PARP14: variants seen among roughly 807,000 people sequenced by gnomAD.
The protein encoded by PARP14 is protein mono-ADP-ribosyltransferase PARP14.
In PARP14, 59 loss-of-function variants were observed where a neutral mutation model predicts 154.2. The ratio of observed to expected loss-of-function variants is 0.38; its 90% confidence interval spans 0.31 to 0.48. The LOEUF (loss-of-function observed/expected upper bound fraction) is 0.48. PARP14 is among the 20% of genes least tolerant of loss of function. The pLI is 0.98. For missense variants in PARP14, 1,734 were observed against 2,131.6 expected, an observed-to-expected ratio of 0.81 and a Z score of 3.67; for synonymous variants, 720 against 780.5, an observed-to-expected ratio of 0.92 and a Z score of 1.29.
chr3:122,701,232 G>A lies in PARP14; in HGVS notation c.2678G>A (p.Cys893Tyr). The part of the protein sequence containing the change: ...PRWSGYEAPR[C>Y]VYLLRRAVQL... ...TGGAGCGGATATGAGGCCCCGAGGT[G>A]TGTGTACCTATTAAGGAGAGCTGTG... Residue 893 changes from cysteine to tyrosine, a missense_variant, in exon 6 of 17, where the codon TGT becomes TAT. Physicochemically the swap from Cys to Tyr is radical, Grantham distance 194. Coordinates refer to ENST00000474629, the MANE Select transcript of PARP14 (RefSeq NM_017554.3). The surrounding 1 kb of genome is among the most constrained non-coding windows in gnomAD (Gnocchi z 4.0). 1 of 1,613,672 alleles carries A rather than the reference G, an allele frequency of 6.2e-7. No homozygotes were observed. The highest frequency in any genetic ancestry group is 8.5e-7 in the Non-Finnish European group (1 of 1,179,730).
chr3:122,702,898 G>C (rs1939020637), intron 6 of PARP14, among the ~76,000 whole-genome samples: 1 of 151,058 alleles, frequency 6.6e-6, no homozygotes, highest in Non-Finnish European at 1.5e-5. Context: ...GCTGAGGTGG[G>C]AGGATCACTT....
Position 122,700,475 on chromosome 3 carries a change from A to G in PARP14, c.1921A>G (p.Thr641Ala). The change falls in exon 6 of 17, where the codon ACC becomes GCC. Residue 641 changes from threonine to alanine, a missense_variant. Around this residue, in one of 2 missense-constraint regions of PARP14, gnomAD observed 1,646 missense variants for 1,976.0 expected, o/e 0.83. Coordinates refer to ENST00000474629, the MANE Select transcript of PARP14 (RefSeq NM_017554.3). ...TVIINELTSETTAEVIITGCV... is the reference protein window; with the variant it reads ...TVIINELTSEATAEVIITGCV... ...AATCATCAATGAGTTAACTTCAGAA[A>G]CCACAGCTGAAGTCATCATTACAGG... 1 of 1,612,602 alleles carries G rather than the reference A, an allele frequency of 6.2e-7. No homozygotes were observed. The highest frequency in any genetic ancestry group is 8.5e-7 in the Non-Finnish European group (1 of 1,179,160).
chr3:122,692,738 A>G (rs371299974), intron 4 of PARP14, among the ~76,000 whole-genome samples, 195 bp downstream of exon 4: 8 of 152,280 alleles, frequency 5.3e-5, no homozygotes, highest in East Asian at 1.9e-4. Context: ...TATTTTTAGT[A>G]GAATTAACTT....
chr3:122,720,918 G>T (rs1179717141), intron 15 of PARP14: 1 of 445,224 alleles, frequency 2.2e-6, no homozygotes, highest in African/African-American at 2.0e-5. Flanking sequence ...GCCAGTCTGG[G>T]TAACATAGTG....
intron 10 of PARP14, 28 bp downstream of exon 10, chr3:122,713,601 T>C (rs1939391465): frequency 1.3e-6 from 2 of 1,593,216 alleles, no homozygotes; most frequent in South Asian, 1.1e-5. Flanking sequence ...ATGAGTGCAA[T>C]AGTTAATGGT....
Position 122,714,395 on chromosome 3 carries a change from T to C in PARP14, c.3966T>C (p.Asn1322=). The part of the protein sequence containing the change: ...SSVLQECEKK[N]YSSICLPAIG... ...TTTTGCAGGAGTGTGAAAAAAAAAA[T>C]TACTCATCCATTTGCCTCCCAGCCA... Residue 1322 remains asparagine (N), a synonymous_variant, in exon 12 of 17, where the codon AAT becomes AAC. Coordinates refer to ENST00000474629, the MANE Select transcript of PARP14 (RefSeq NM_017554.3). 6.3e-7 allele frequency: 1 copy of C among 1,580,418 alleles called. No individual in the cohort carries two copies. The highest frequency in any genetic ancestry group is 8.6e-7 in the Non-Finnish European group (1 of 1,169,000).
chr3:122,714,282 T>C lies in PARP14; in HGVS notation c.3853T>C (p.Tyr1285His), dbSNP rs1932929458. The C allele has an allele frequency of 3.1e-6, 5 of 1,598,514 alleles. No homozygotes were observed. The highest frequency in any genetic ancestry group is 8.5e-7 in the Non-Finnish European group (1 of 1,175,834). The part of the protein sequence containing the change: ...SQQAQQRKND[Y>H]IITGGGFLRC... ...CCCAGCTCAGCAGCGCAAAAATGAT[T>C]ATATAATCACCGGAGGTGGATTTTT... is the stretch of plus-strand genomic sequence containing the variant. Residue 1285 changes from tyrosine (Y) to histidine (H), a missense_variant, in exon 12 of 17, where the codon TAT becomes CAT. Coordinates refer to ENST00000474629, the MANE Select transcript of PARP14 (RefSeq NM_017554.3).
At chr3:122,704,399 A>T in intron 7 of PARP14, 128 bp from the exon 8 acceptor site, 1 of 610,412 alleles carries the variant, frequency 1.6e-6, no homozygotes, top group Non-Finnish European at 2.9e-6. Context: ...TCCTCTTCTG[A>T]TTGCCCTTAA....
chr3:122,718,996 C>T, intron 14 of PARP14, 38 bp downstream of exon 14: 1 of 1,491,854 alleles, frequency 6.7e-7, no homozygotes, highest in South Asian at 1.4e-5. Flanking sequence ...CACTATTTCA[C>T]ATCTACTTTG....
At position 122,717,683 on chromosome 3, in the gene PARP14, A is replaced by G. The variant is rs186501721; in HGVS notation, c.4001-388A>G. Among the ~76,000 whole-genome samples the G allele has an allele frequency of 4.1e-3, 624 of 152,332 alleles. 10 individuals carry two copies. The highest frequency in any genetic ancestry group is 0.034 in the Admixed American group (514 of 15,306). On this transcript the variant is annotated intron_variant, in intron 12 of 16. Transcript: ENST00000474629. ...TCTTTAAAAAGTATTTTATGTCAAC[A>G]TATATTAGCATCTGCTTTTTATGAA... is the stretch of plus-strand genomic sequence containing the variant.
At position 122,718,495 on chromosome 3, in the gene PARP14, C is replaced by A; in HGVS notation, c.4344C>A (p.Asp1448Glu). ...CVEYAISWLQDLIEKEQCPYT... is the reference protein window; with the variant it reads ...CVEYAISWLQELIEKEQCPYT... ...AATATGCTATCTCCTGGCTACAAGA[C>A]CTGATTGAAAAAGAACAGTGTCCTT... The change falls in exon 14 of 17, where the codon GAC becomes GAA. Residue 1448 changes from aspartate (D) to glutamate (E), a missense_variant. By Grantham distance (45) the Asp-to-Glu change is conservative. Coordinates refer to ENST00000474629, the MANE Select transcript of PARP14 (RefSeq NM_017554.3). The A allele has an allele frequency of 1.2e-6, 2 of 1,613,878 alleles. No homozygotes were observed. Among genetic ancestry groups the A allele is most frequent in the South Asian group, 2.2e-5 (2 of 91,082 alleles).
At position 122,695,013 on chromosome 3, in the gene PARP14, G is replaced by A. The variant is rs114989138; in HGVS notation, c.599-413G>A. ...ATAAAATGAATGGCAGGGAATAACC[G>A]AAGGTGATGCTTGGAAATTAGTTTC... On this transcript the variant is annotated intron_variant, in intron 4 of 16. Transcript: ENST00000474629. 5.4e-3 allele frequency among the ~76,000 whole-genome samples: 826 copies of A among 152,308 alleles called. 9 individuals are homozygous for A. Among genetic ancestry groups the A allele is most frequent in the African/African-American group, 0.019 (780 of 41,566 alleles).
intron 11 of PARP14, 95 bp downstream of exon 11, chr3:122,714,029 T>G (rs1932924164): frequency 1.1e-6 from 1 of 928,384 alleles, no homozygotes; most frequent in African/African-American, 1.7e-5. Context: ...GACAACACTC[T>G]AATTTTAAAA....
chr3:122,713,922 T>A lies in PARP14; in HGVS notation c.3820T>A (p.Cys1274Ser), dbSNP rs752142576. 6.2e-7 allele frequency: 1 copy of A among 1,612,292 alleles called. No homozygotes were observed. Among genetic ancestry groups the A allele is most frequent in the Non-Finnish European group, 8.5e-7 (1 of 1,178,472 alleles). ...ECAGQNVERE[C>S]SQQAQQRKND... ...TGCTGGACAAAATGTAGAAAGGGAA[T>A]GTTCTCAGCAAGGTAAGGCATATTC... The change falls in exon 11 of 17, where the codon TGT (cysteine) becomes AGT (serine). Residue 1274 changes from cysteine (C) to serine (S), a missense_variant. Cys to Ser is a moderately radical substitution (Grantham distance 112). Around this residue, in one of 2 missense-constraint regions of PARP14, gnomAD observed 1,646 missense variants for 1,976.0 expected, o/e 0.83. Transcript: ENST00000474629.
rs775612097 is a variant in PARP14, at chr3:122,708,252, G to A, written c.3603G>A (p.Lys1201=). ...ATCTCGTCAGTGACAAAATTCCGAA[G>A]GCTAAAGATACACAAGGTTCAGTAA... ...NGNLVSDKIP[K]AKDTQGFYGT... The change falls in exon 9 of 17, where the codon AAG becomes AAA. Residue 1201 remains lysine, a synonymous_variant. Coordinates refer to ENST00000474629, the MANE Select transcript of PARP14 (RefSeq NM_017554.3). The A allele has an allele frequency of 7.7e-6, 12 of 1,563,648 alleles. No individual in the cohort carries two copies. The South Asian group carries it at 9.4e-5, about 12-fold the overall frequency.
intron 3 of PARP14, among the ~76,000 whole-genome samples, chr3:122,690,177 T>C (rs756836692): frequency 2.6e-5 from 4 of 152,204 alleles, no homozygotes; most frequent in Non-Finnish European, 5.9e-5. Context: ...ATTGATGGGA[T>C]TATAAAACTA....
chr3:122,709,826 G>A (rs1344390138), intron 9 of PARP14, among the ~76,000 whole-genome samples: 1 of 150,840 alleles, frequency 6.6e-6, no homozygotes, highest in Non-Finnish European at 1.5e-5. Flanking sequence ...TTTGTTGGCT[G>A]TTTGTATACC....
intron 9 of PARP14, 147 bp downstream of exon 9, chr3:122,708,415 T>C (rs1340833834): frequency 1.6e-6 from 1 of 611,798 alleles, no homozygotes. Flanking sequence ...TACCTGAGCA[T>C]GTAAGACACT....
At chr3:122,702,512 G>A (rs2107645139) in intron 6 of PARP14, among the ~76,000 whole-genome samples, 1 of 152,300 alleles carries the variant, frequency 6.6e-6, no homozygotes, top group East Asian at 1.9e-4. Flanking sequence ...GAGCCATCAT[G>A]TCCAGCCAGC....
Sources: allele counts gnomAD v4.1 joint callset (sites outside exome capture counted in the v4.1 genomes callset), GRCh38; gene constraint gnomAD v4.1.1; regional missense constraint gnomAD v4.1.1; non-coding constraint Gnocchi (gnomAD v3.1); transcripts MANE v1.5; gene names NCBI Gene and HGNC (gene_info 2026-07-23, HGNC 2026-07-21).